LRP6: variants seen among roughly 807,000 people sequenced by gnomAD.
LRP6 encodes LDL receptor related protein 6.
A neutral mutation model predicts 184.1 loss-of-function variants in LRP6; 43 were observed. The ratio of observed to expected loss-of-function variants is 0.23; its 90% CI spans 0.18 to 0.30. The LOEUF (loss-of-function observed/expected upper bound fraction) is 0.30, where lower values mean the gene tolerates loss of function less well. Among genes scored for constraint, LRP6 ranks in the 10% least tolerant of loss-of-function variants. The pLI, the probability that LRP6 is intolerant of heterozygous loss-of-function variation, is 1.00. For missense variants in LRP6, 1,571 were observed against 2,005.3 expected (o/e 0.78, Z 4.14); for synonymous variants, 719 against 684.9 (o/e 1.05, Z -0.78).
At chr12:12,224,170 A>G (rs1378967121) in intron 2 of LRP6, among the ~76,000 whole-genome samples, 2 of 152,188 alleles carry the variant, frequency 1.3e-5, no homozygotes, top group Non-Finnish European at 2.9e-5. Flanking sequence ...GGAATCCCCC[A>G]GCCTCCTAAA....
intron 2 of LRP6, among the ~76,000 whole-genome samples, chr12:12,228,725 A>G (rs1864696538): frequency 6.6e-6 from 1 of 152,202 alleles, no homozygotes; most frequent in South Asian, 2.1e-4. Context: ...TTGTGCATCT[A>G]ATGCCTGATC....
intron 22 of LRP6, among the ~76,000 whole-genome samples, chr12:12,124,200 C>T (rs932580713): frequency 3.3e-5 from 5 of 152,076 alleles, no homozygotes; most frequent in African/African-American, 4.8e-5. Context: ...ATGGTGAAAC[C>T]ACGTTTCTAC....
At chr12:12,180,655 AG>A (rs914736995) in intron 6 of LRP6, among the ~76,000 whole-genome samples, 4 of 152,154 alleles carry the variant, frequency 2.6e-5, no homozygotes, top group African/African-American at 9.7e-5. Flanking sequence ...TCATGTATTT[AG>A]GGAAAAAAAA....
chr12:12,125,122 A>G (rs1591860546), intron 21 of LRP6, among the ~76,000 whole-genome samples, 174 bp downstream of exon 21: 1 of 152,350 alleles, frequency 6.6e-6, no homozygotes, highest in East Asian at 1.9e-4. Flanking sequence ...ACAGTAACTT[A>G]AAAGATTTAT....
intron 12 of LRP6, among the ~76,000 whole-genome samples, chr12:12,154,277 A>G (rs1267062651): frequency 6.6e-6 from 1 of 151,788 alleles, no homozygotes; most frequent in Non-Finnish European, 1.5e-5. Context: ...GTATCCGCAT[A>G]GCTCATTTCC....
In LRP6 at chr12:12,159,159, T is replaced by C. The variant is rs1429255035; in HGVS notation, c.2465-4A>G. 6.2e-7 allele frequency: 1 copy of C among 1,613,220 alleles called. No homozygotes were observed. The highest frequency in any genetic ancestry group is 1.1e-5 in the South Asian group (1 of 91,042). On this transcript the variant is annotated splice_region_variant and splice_polypyrimidine_tract_variant and intron_variant, in intron 11 of 22. Transcript: ENST00000261349. ...GCTATAACTTCACGGTTGAGCCCTA[T>C]TTTCAGAAAGGCAGTAGACAGGGGA...
intron 1 of LRP6, among the ~76,000 whole-genome samples, chr12:12,251,904 C>T (rs1865333686): frequency 6.6e-6 from 1 of 152,150 alleles, no homozygotes; most frequent in Admixed American, 6.6e-5. Flanking sequence ...GGGTCTCACC[C>T]TGTTGTCCAG....
At chr12:12,221,451 C>A (rs1445189463) in intron 2 of LRP6, among the ~76,000 whole-genome samples, 1 of 152,154 alleles carries the variant, frequency 6.6e-6, no homozygotes, top group African/African-American at 2.4e-5. Context: ...CACACACACA[C>A]AAAATAACAG....
chr12:12,238,595 T>C (rs183518234), intron 2 of LRP6, among the ~76,000 whole-genome samples: 9 of 152,048 alleles, frequency 5.9e-5, no homozygotes, highest in Non-Finnish European at 1.2e-4. Context: ...GTACCAACAA[T>C]TAAAGCCATA....
chr12:12,190,463 G>A (rs1863585029), intron 3 of LRP6, among the ~76,000 whole-genome samples: 1 of 152,178 alleles, frequency 6.6e-6, no homozygotes. Flanking sequence ...TGCAATCTCT[G>A]AGCATCATCT....
rs1024104604 is a variant in LRP6 at position 12,253,902 on chromosome 12, G to T, written c.56-9247C>A. ...CTCACGCCTCTAATCCCCACACTTT[G>T]GGAAGCTGAGGTGGGCATATCACTG... is the stretch of plus-strand genomic sequence containing the variant. On this transcript the variant is annotated intron_variant, in intron 1 of 22. Coordinates refer to ENST00000261349, the MANE Select transcript of LRP6 (RefSeq NM_002336.3). Among the ~76,000 whole-genome samples, 11 of 152,142 alleles carry T rather than the reference G, an allele frequency of 7.2e-5. No homozygotes were observed. In the East Asian group the frequency reaches 2.1e-3, roughly 29 times the overall value.
chr12:12,244,682 A>G (rs1339660213), intron 1 of LRP6, 27 bp from the exon 2 acceptor site: 1 of 1,611,010 alleles, frequency 6.2e-7, no homozygotes, highest in Admixed American at 1.7e-5. Context: ...AAAATATGTA[A>G]GTGAAAAGGA....
intron 3 of LRP6, among the ~76,000 whole-genome samples, chr12:12,202,796 A>C (rs1301579155): frequency 6.6e-6 from 1 of 152,152 alleles, no homozygotes; most frequent in African/African-American, 2.4e-5. Flanking sequence ...TCTTTGTTGT[A>C]CTGATGCCCA....
intron 3 of LRP6, among the ~76,000 whole-genome samples, chr12:12,191,099 G>A (rs571938526): frequency 6.6e-6 from 1 of 152,232 alleles, no homozygotes; most frequent in Non-Finnish European, 1.5e-5. Context: ...GGAAAGCTTA[G>A]TAGACCAATC....
Position 12,244,607 on chromosome 12 carries a change from T to C in LRP6, c.104A>G (p.Asp35Gly), listed in dbSNP as rs770505755. 5.6e-6 allele frequency: 9 copies of C among 1,614,054 alleles called. No individual in the cohort carries two copies. Among genetic ancestry groups the C allele is most frequent in the African/African-American group, 1.3e-5 (1 of 74,912 alleles). The part of the protein sequence containing the change: ...YANRRDLRLV[D>G]ATNGKENATI... ...AGCATTCTCTTTGCCATTTGTAGCA[T>C]CAACCAATCGCAAGTCCCGTCTGTT... The change falls in exon 2 of 23, where the codon GAT becomes GGT. Residue 35 changes from aspartate (D) to glycine (G), a missense_variant. By Grantham distance (94) the Asp-to-Gly change is moderately conservative. Transcript: ENST00000261349.
At chr12:12,191,438 C>G (rs1272198535) in intron 3 of LRP6, among the ~76,000 whole-genome samples, 1 of 152,180 alleles carries the variant, frequency 6.6e-6, no homozygotes, top group Non-Finnish European at 1.5e-5. Context: ...CATGAGAGTT[C>G]TGTGAAACTG....
chr12:12,235,246 T>C (rs929582662), intron 2 of LRP6, among the ~76,000 whole-genome samples: 5 of 152,270 alleles, frequency 3.3e-5, no homozygotes, highest in South Asian at 2.1e-4. Context: ...TATCACAGAA[T>C]AGAAGTAAAT....
chr12:12,165,067 G>C lies in LRP6; in HGVS notation c.1762+12C>G, dbSNP rs1049226106. The stretch of plus-strand genomic sequence containing the variant: ...TGGTTCCCATTTCTAAGAAAGCTTT[G>C]GAGTTACTCACCAATCACTCGATGA... On this transcript the variant is annotated intron_variant, in intron 8 of 22. Coordinates refer to ENST00000261349, the MANE Select transcript of LRP6 (RefSeq NM_002336.3). 4 of 1,596,530 alleles carry C rather than the reference G, an allele frequency of 2.5e-6. No individual in the cohort carries two copies. Among genetic ancestry groups the C allele is most frequent in the Non-Finnish European group, 3.4e-6 (4 of 1,164,832 alleles).
At chr12:12,175,696 AAAAATAAAATAAAATAAAAT>A (rs71435896) in intron 7 of LRP6, among the ~76,000 whole-genome samples, 8 of 142,392 alleles carry the variant, frequency 5.6e-5, no homozygotes, top group South Asian at 2.2e-4. Context: ...GTCTCAAATA[AAAAATAAAATAAAATAAAAT>A]AAAATAAAAT....
Sources: allele counts gnomAD v4.1 joint callset (sites outside exome capture counted in the v4.1 genomes callset), GRCh38; gene constraint gnomAD v4.1.1; transcripts MANE v1.5; gene names NCBI Gene and HGNC (gene_info 2026-07-23, HGNC 2026-07-21).